ZNF91: variants seen among roughly 807,000 people sequenced by gnomAD.
The protein encoded by ZNF91 is zinc finger protein 91.
ZNF91 carries 7 observed loss-of-function variants against 12.6 expected under a neutral mutation model. The observed-to-expected ratio is 0.55, with a 90% CI of 0.31 to 1.04. The LOEUF is 1.04. Among genes scored for constraint, ZNF91 ranks in the 50% least tolerant of loss-of-function variants. ZNF91 has a pLI of 0.05. For missense variants in ZNF91, 1,217 were observed against 1,385.4 expected (o/e 0.88, Z 1.93); for synonymous variants, 453 against 462.6 (o/e 0.98, Z 0.27).
At chr19:23,377,575 T>A (rs190118390) in intron 1 of ZNF91, among the ~76,000 whole-genome samples, 1 of 152,274 alleles carries the variant, frequency 6.6e-6, no homozygotes, top group Admixed American at 6.5e-5. Context: ...GGTCTCATTA[T>A]TAGCATTTGT....
At chr19:23,356,729 G>A (rs947206907), downstream of ZNF91, among the ~76,000 whole-genome samples, 3 of 151,412 alleles carry the variant, frequency 2.0e-5, no homozygotes, top group African/African-American at 7.4e-5. Flanking sequence ...AGTAACTTAT[G>A]GAACAATAAA....
chr19:23,366,288 G>T (rs144297540), intron 3 of ZNF91, among the ~76,000 whole-genome samples: 3 of 152,008 alleles, frequency 2.0e-5, no homozygotes, highest in African/African-American at 7.2e-5. Context: ...CTGGCCTGGC[G>T]GGGGGCTGAC....
chr19:23,367,239 T>TCAAGATTATGC (rs2145077105), intron 3 of ZNF91, among the ~76,000 whole-genome samples: 1 of 152,232 alleles, frequency 6.6e-6, no homozygotes, highest in South Asian at 2.1e-4. Flanking sequence ...CTGCAGTGAG[T>TCAAGATTATGC]CAAGATTATG....
intron 1 of ZNF91, among the ~76,000 whole-genome samples, chr19:23,322,570 C>T (rs1241389206): frequency 6.6e-6 from 1 of 152,098 alleles, no homozygotes; most frequent in African/African-American, 2.4e-5. Context: ...CTGTGTGTCT[C>T]TCCTGTTGAG....
intron 3 of ZNF91, among the ~76,000 whole-genome samples, chr19:23,369,814 G>A (rs1040445611): frequency 1.4e-4 from 21 of 150,750 alleles, no homozygotes; most frequent in South Asian, 2.1e-4. Flanking sequence ...CAGCATGCTC[G>A]TTAAGAGTCA....
At chr19:23,346,871 G>A (rs1002423293) in intron 3 of ZNF91, among the ~76,000 whole-genome samples, 1 of 152,076 alleles carries the variant, frequency 6.6e-6, no homozygotes, top group South Asian at 2.1e-4. Context: ...TCTCCCCCAC[G>A]GCTCCTCCAA....
chr19:23,336,042 C>T (rs955603505), downstream of ZNF91, among the ~76,000 whole-genome samples: 52 of 152,150 alleles, frequency 3.4e-4, no homozygotes, highest in African/African-American at 1.2e-3. Context: ...ACACTGTTAC[C>T]GGAAGTACAA....
rs71163494 is a variant in ZNF91 at position 23,368,562 on chromosome 19, C to CTATA, written c.253+5176_253+5179dup. Among the ~76,000 whole-genome samples, 1,103 of 118,442 alleles carry CTATA rather than the reference C, an allele frequency of 9.3e-3. 35 individuals carry two copies. The highest frequency in any genetic ancestry group is 0.029 in the East Asian group (93 of 3,208). The allele number at this position is 118,442 out of a possible 152,430, so 77.7% of individuals were successfully genotyped here. On this transcript the variant is annotated intron_variant, in intron 3 of 3. Transcript: ENST00000300619. ...TCTCTCTCTCTCTCTCTCTCTCTCT[C>CTATA]TATATATATATGAAACACATGACAT...
At chr19:23,373,888 C>T (rs1165153657) in intron 2 of ZNF91, 51 bp from the exon 3 acceptor site, 12 of 1,373,514 alleles carry the variant, frequency 8.7e-6, no homozygotes, top group Non-Finnish European at 1.2e-5. Flanking sequence ...TCTCCACCTG[C>T]CAACTTAGTA....
intron 3 of ZNF91, among the ~76,000 whole-genome samples, chr19:23,367,292 C>G (rs570646250): frequency 6.6e-6 from 1 of 152,076 alleles, no homozygotes; most frequent in East Asian, 1.9e-4. Context: ...ATCCTGTCTT[C>G]AAACAAAAAC....
intron 3 of ZNF91, among the ~76,000 whole-genome samples, chr19:23,343,919 C>T (rs531784850): frequency 1.6e-3 from 245 of 152,054 alleles, no homozygotes; most frequent in Non-Finnish European, 2.8e-3. Context: ...GAAAGTCTCT[C>T]GAAAATACCT....
chr19:23,318,443 G>A (rs1006674243), intron 1 of ZNF91, among the ~76,000 whole-genome samples: 1 of 152,162 alleles, frequency 6.6e-6, no homozygotes, highest in African/African-American at 2.4e-5. Flanking sequence ...CTGCAGGAAA[G>A]GTTGTGATGT....
chr19:23,373,556 G>A (rs1435395621), intron 3 of ZNF91, among the ~76,000 whole-genome samples, 186 bp downstream of exon 3: 1 of 151,762 alleles, frequency 6.6e-6, no homozygotes, highest in Non-Finnish European at 1.5e-5. Flanking sequence ...TCATTGAAGG[G>A]AAAGTAGAAT....
At chr19:23,371,532 T>C (rs893516384) in intron 3 of ZNF91, among the ~76,000 whole-genome samples, 5 of 152,166 alleles carry the variant, frequency 3.3e-5, no homozygotes, top group Non-Finnish European at 7.3e-5. Flanking sequence ...AATTGCAAAT[T>C]GTCTAAAATT....
Position 23,395,409 on chromosome 19 carries a change from C to G in ZNF91, c.-55G>C. ...TCACAGGGCCACACAGGCTGGGCCT[C>G]CTGGAGCAGAGGACACAGAGCAGTG... On this transcript the variant is annotated 5_prime_UTR_variant, in exon 1 of 4. Transcript: ENST00000300619. 2 of 1,603,818 alleles carry G rather than the reference C, an allele frequency of 1.2e-6. No homozygotes were observed. Among genetic ancestry groups the G allele is most frequent in the Non-Finnish European group, 1.7e-6 (2 of 1,173,440 alleles).
rs1968676367 is a variant in ZNF91, at chr19:23,360,249, G to A, written c.2730C>T (p.Tyr910=). Residue 910 remains tyrosine, a synonymous_variant, in exon 4 of 4, where the codon TAC becomes TAT. Coordinates refer to ENST00000300619, the MANE Select transcript of ZNF91 (RefSeq NM_003430.4). ...HKRIHTREKT[Y]KCEECGKAFS... is the part of the protein sequence containing the mutation. ...ATGCTTTGCCACATTCTTCACATTT[G>A]TAGGTTTTCTCTCTGGTATGAATTC... 8.7e-6 allele frequency: 14 copies of A among 1,613,950 alleles called. No homozygotes were observed. Among genetic ancestry groups the A allele is most frequent in the African/African-American group, 4.0e-5 (3 of 74,912 alleles).
At chr19:23,335,264 C>G (rs1195144856), downstream of ZNF91, among the ~76,000 whole-genome samples, 1 of 152,226 alleles carries the variant, frequency 6.6e-6, no homozygotes, top group African/African-American at 2.4e-5. Context: ...TTAGGCTACT[C>G]GGGGGTCAGG....
chr19:23,394,917 A>G (rs1012541103), intron 1 of ZNF91, among the ~76,000 whole-genome samples: 1 of 152,036 alleles, frequency 6.6e-6, no homozygotes, highest in African/African-American at 2.4e-5. Context: ...TTTCGCGGTG[A>G]CGCCCATAAA....
downstream of ZNF91, among the ~76,000 whole-genome samples, chr19:23,334,221 T>C (rs372278428): frequency 6.6e-6 from 1 of 152,048 alleles, no homozygotes; most frequent in African/African-American, 2.4e-5. Context: ...AGAAGTAGAG[T>C]GTGACAAGAG....
Sources: allele counts gnomAD v4.1 joint callset (sites outside exome capture counted in the v4.1 genomes callset), GRCh38; gene constraint gnomAD v4.1.1; transcripts MANE v1.5; gene names NCBI Gene and HGNC (gene_info 2026-07-23, HGNC 2026-07-21).